The following CUL3 variants were observed in gnomAD, a reference collection of about 807,000 sequenced individuals.
The protein encoded by CUL3 is cullin 3.
A neutral mutation model predicts 89.1 loss-of-function variants in CUL3; 19 were observed. That is an observed-to-expected ratio of 0.21 (90% CI 0.15 to 0.31). The LOEUF (loss-of-function observed/expected upper bound fraction) is 0.31, where lower values mean the gene tolerates loss of function less well. Ranked by LOEUF, CUL3 falls within the 10% of genes least tolerant of loss-of-function variation. CUL3 has a pLI of 1.00. For missense variants in CUL3, 469 were observed against 942.3 expected (o/e 0.50, Z 6.58); for synonymous variants, 351 against 308.4 (o/e 1.14, Z -1.45).
intron 5 of CUL3, among the ~76,000 whole-genome samples, 171 bp downstream of exon 5, chr2:224,513,353 C>T (rs940355558): frequency 5.3e-5 from 8 of 152,124 alleles, no homozygotes; most frequent in Non-Finnish European, 1.0e-4. Flanking sequence ...CGATGAGTTG[C>T]TTAACTGGAA....
intron 2 of CUL3, among the ~76,000 whole-genome samples, chr2:224,541,913 A>T (rs1694122994): frequency 6.6e-6 from 1 of 152,178 alleles, no homozygotes; most frequent in Non-Finnish European, 1.5e-5. Context: ...AGAGAACTAT[A>T]AAGGGATAAC....
At chr2:224,518,026 A>G (rs1693131385) in intron 3 of CUL3, among the ~76,000 whole-genome samples, 1 of 152,222 alleles carries the variant, frequency 6.6e-6, no homozygotes, top group Non-Finnish European at 1.5e-5. Flanking sequence ...CAGAACTTCA[A>G]TAAGCACAAA....
Position 224,585,030 on chromosome 2 carries a change from C to A in CUL3, c.-21G>T. 2 of 1,488,006 alleles carry A rather than the reference C, an allele frequency of 1.3e-6. No homozygotes were observed. Among genetic ancestry groups the A allele is most frequent in the Non-Finnish European group, 1.8e-6 (2 of 1,106,188 alleles). 92.2% of individuals were successfully genotyped at this position (1,488,006 alleles called of 1,614,324 possible). The stretch of plus-strand genomic sequence containing the variant: ...GACATGGTGCTCGTCCCCTCCCCGG[C>A]GGCGGCTTCAGGTCGCGCTCCGCGA... On this transcript the variant is annotated 5_prime_UTR_variant, in exon 1 of 16. Transcript: ENST00000264414.
At chr2:224,523,459 C>T (rs532445582) in intron 3 of CUL3, among the ~76,000 whole-genome samples, 1 of 150,618 alleles carries the variant, frequency 6.6e-6, no homozygotes, top group Admixed American at 6.6e-5. Context: ...CTCTCGTGCA[C>T]TGTTGGTGGA....
chr2:224,513,693 T>C (rs1692926977), intron 4 of CUL3, 55 bp from the exon 5 acceptor site: 1 of 1,275,454 alleles, frequency 7.8e-7, no homozygotes, highest in Non-Finnish European at 1.1e-6. Flanking sequence ...AAAATTCACA[T>C]AAAAATTACA....
At chr2:224,542,730 A>G (rs1452330119) in intron 2 of CUL3, among the ~76,000 whole-genome samples, 1 of 152,140 alleles carries the variant, frequency 6.6e-6, no homozygotes, top group African/African-American at 2.4e-5. Context: ...TGTATAATAA[A>G]ACCTGCTTAA....
At chr2:224,504,918 C>T (rs1692533879) in intron 8 of CUL3, among the ~76,000 whole-genome samples, 1 of 151,358 alleles carries the variant, frequency 6.6e-6, no homozygotes, top group African/African-American at 2.4e-5. Context: ...ATCACAAAGG[C>T]TTGAAATTGA....
chr2:224,526,907 A>G, intron 3 of CUL3, among the ~76,000 whole-genome samples: 1 of 152,158 alleles, frequency 6.6e-6, no homozygotes, highest in East Asian at 1.9e-4. Context: ...AGCAAGAAAA[A>G]TAAAATTAAA....
At chr2:224,572,201 T>C (rs182513644) in intron 1 of CUL3, among the ~76,000 whole-genome samples, 30 of 152,114 alleles carry the variant, frequency 2.0e-4, no homozygotes, top group African/African-American at 7.0e-4. Context: ...AAGTCAGGAG[T>C]GTATCCCTTG....
rs957497747 is a variant in CUL3, at chr2:224,471,808, C to T, written c.*2437G>A. The stretch of plus-strand genomic sequence containing the variant: ...ATGAAGGCAGAGAATTACACTTTAA[C>T]AGTTACTGAAGAGATGACATGATTT... On this transcript the variant is annotated 3_prime_UTR_variant, in exon 16 of 16. Coordinates refer to ENST00000264414, the MANE Select transcript of CUL3 (RefSeq NM_003590.5). The T allele has an allele frequency of 4.4e-6, 1 of 228,502 alleles. No individual in the cohort carries two copies. The highest frequency in any genetic ancestry group is 2.2e-5 in the African/African-American group (1 of 45,196). 14.2% of individuals were successfully genotyped at this position (228,502 alleles called of 1,614,324 possible).
chr2:224,536,155 T>C (rs1010907959), intron 2 of CUL3, among the ~76,000 whole-genome samples: 2 of 152,024 alleles, frequency 1.3e-5, no homozygotes, highest in Non-Finnish European at 2.9e-5. Context: ...TCTTGTAGGA[T>C]TGTTTTAAGA....
intron 4 of CUL3, among the ~76,000 whole-genome samples, chr2:224,514,204 G>C (rs1692947846): frequency 1.3e-5 from 2 of 151,980 alleles, no homozygotes; most frequent in African/African-American, 4.8e-5. Flanking sequence ...GACTTAAAAG[G>C]GGCACAGGAG....
intron 14 of CUL3, 155 bp from the exon 15 acceptor site, chr2:224,478,500 T>A (rs1691408692): frequency 6.0e-6 from 3 of 502,382 alleles, no homozygotes; most frequent in Non-Finnish European, 9.6e-6. Context: ...AGAAACTGTC[T>A]TAATGTTTAC....
intron 1 of CUL3, 30 bp from the exon 2 acceptor site, chr2:224,557,886 A>AAAAC: frequency 9.3e-7 from 1 of 1,072,822 alleles, no homozygotes; most frequent in Non-Finnish European, 1.3e-6. Flanking sequence ...GAAGAGACAA[A>AAAAC]AAAAAAAAAA....
At position 224,478,148 on chromosome 2, in the gene CUL3, T is replaced by C. The variant is rs117587157; in HGVS notation, c.2175+52A>G. The C allele has an allele frequency of 8.5e-5, 128 of 1,498,798 alleles. 1 individual carries two copies. The East Asian group carries it at 2.8e-3, about 33-fold the overall frequency. 92.8% of individuals were successfully genotyped at this position (1,498,798 alleles called of 1,614,324 possible). A position where few individuals can be genotyped will look rare whatever the true frequency, so the allele number is the denominator to read the frequency against. On this transcript the variant is annotated intron_variant, in intron 15 of 15. Transcript: ENST00000264414. ...AAATTAGTTGAATACAATAATTTTG[T>C]TAATAATGTTACTGTTTTTTCTATA...
At chr2:224,554,108 C>T (rs1694615743) in intron 2 of CUL3, among the ~76,000 whole-genome samples, 2 of 152,146 alleles carry the variant, frequency 1.3e-5, no homozygotes, top group Non-Finnish European at 2.9e-5. Flanking sequence ...CGAGCCACTT[C>T]TCAACCCTAA....
At chr2:224,507,352 C>A (rs1692640650) in intron 6 of CUL3, among the ~76,000 whole-genome samples, 1 of 152,056 alleles carries the variant, frequency 6.6e-6, no homozygotes, top group South Asian at 2.1e-4. Flanking sequence ...AATACTTTAT[C>A]CTACATAACT....
At chr2:224,509,664 G>A (rs1218550658) in intron 6 of CUL3, among the ~76,000 whole-genome samples, 1 of 152,228 alleles carries the variant, frequency 6.6e-6, no homozygotes, top group East Asian at 1.9e-4. Context: ...AGGCATACCT[G>A]ACACCTTTTA....
At chr2:224,476,716 T>A (rs1691336557) in intron 15 of CUL3, among the ~76,000 whole-genome samples, 1 of 152,188 alleles carries the variant, frequency 6.6e-6, no homozygotes, top group Admixed American at 6.5e-5. Flanking sequence ...CTCTATACAA[T>A]CCTCACCTTT....
Sources: gnomAD v4.1 joint callset for allele counts (sites outside exome capture counted in the v4.1 genomes callset) on GRCh38, gnomAD v4.1.1 for gene constraint, MANE v1.5 for transcripts, NCBI Gene and HGNC (gene_info 2026-07-23, HGNC 2026-07-21) for gene names.